Variants in PLCL1 observed in about 807,000 individuals in gnomAD.
PLCL1 encodes the protein inactive phospholipase C-like protein 1.
Under a neutral mutation model 84.4 loss-of-function variants are expected in PLCL1, and 41 were observed. That is an observed-to-expected ratio of 0.49 (90% CI 0.38 to 0.63). The LOEUF is 0.63. Among genes scored for constraint, PLCL1 ranks in the 30% least tolerant of loss-of-function variants. PLCL1 has a pLI of 0.00. For synonymous variants in PLCL1, 490 were observed against 488.3 expected, an observed-to-expected ratio of 1.00 and a Z score of -0.05; for missense variants, 1,206 against 1,367.8, an observed-to-expected ratio of 0.88 and a Z score of 1.87.
intron 1 of PLCL1, among the ~76,000 whole-genome samples, chr2:197,955,226 A>G (rs143304945): frequency 1.2e-3 from 181 of 152,046 alleles, no homozygotes; most frequent in African/African-American, 4.2e-3. Flanking sequence ...AGATAGATCA[A>G]ACCCAGATGG....
chr2:198,137,564 G>GT (rs140969262), intron 5 of PLCL1, among the ~76,000 whole-genome samples: 2,386 of 152,260 alleles, frequency 0.016, 22 homozygotes, highest in African/African-American at 0.019. Context: ...ATCTGTATCT[G>GT]TAAGACTGGA....
At chr2:197,880,205 A>G (rs1437661997) in intron 1 of PLCL1, among the ~76,000 whole-genome samples, 1 of 152,182 alleles carries the variant, frequency 6.6e-6, no homozygotes, top group Non-Finnish European at 1.5e-5. Context: ...GTATGAGCAG[A>G]GCAGTGATCT....
In PLCL1 at chr2:197,865,538, C is replaced by G. The variant is rs1365530397; in HGVS notation, c.240+60199C>G. 2.6e-5 allele frequency among the ~76,000 whole-genome samples: 4 copies of G among 152,182 alleles called. No individual in the cohort carries two copies. The South Asian group carries it at 8.3e-4, about 32-fold the overall frequency. ...AAAACTACCGATATGGCCGTGAGAG[C>G]ATGGAAGCTTAGATCAGTGAATTCT... On this transcript the variant is annotated intron_variant, in intron 1 of 5. Transcript: ENST00000428675.
At chr2:198,051,733 A>G (rs1012631669) in intron 1 of PLCL1, among the ~76,000 whole-genome samples, 10 of 151,940 alleles carry the variant, frequency 6.6e-5, no homozygotes, top group Admixed American at 2.6e-4. Context: ...TCTCACTTTT[A>G]TTTATTTATT....
At chr2:197,931,363 T>C (rs1688927645) in intron 1 of PLCL1, among the ~76,000 whole-genome samples, 1 of 152,186 alleles carries the variant, frequency 6.6e-6, no homozygotes, top group African/African-American at 2.4e-5. Context: ...TTTTTTTCTT[T>C]AAAGGATAAA....
rs552574507 is a variant in PLCL1, at chr2:198,085,682, C to T, written c.2165C>T (p.Ala722Val). ...ATTCTACCTGGGGTGTCTCCTCTAG[C>T]TCTTCATATCAAGATCATCAGTGGT... ...KGILPGVSPL[A>V]LHIKIISGQN... Residue 722 changes from alanine to valine, a missense_variant, in exon 2 of 6, where the codon GCT becomes GTT. Ala to Val is a moderately conservative substitution (Grantham distance 64, BLOSUM62 0). Transcript: ENST00000428675. This position sits in a 1 kb window ranked among gnomAD's most constrained non-coding sequence, Gnocchi z 5.3. 6.2e-7 allele frequency: 1 copy of T among 1,613,996 alleles called. No homozygotes were observed. Among genetic ancestry groups the T allele is most frequent in the African/African-American group, 1.3e-5 (1 of 74,938 alleles).
chr2:197,991,742 A>G (rs940952754), intron 1 of PLCL1, among the ~76,000 whole-genome samples: 1 of 151,958 alleles, frequency 6.6e-6, no homozygotes, highest in Non-Finnish European at 1.5e-5. Flanking sequence ...TTAGTGGGAG[A>G]TGTGCTGAGA....
chr2:198,111,266 T>C (rs1462144031), intron 5 of PLCL1, among the ~76,000 whole-genome samples: 1 of 151,848 alleles, frequency 6.6e-6, no homozygotes, highest in African/African-American at 2.4e-5. Context: ...GGGGACTCCA[T>C]CCCAGCAAAT....
At chr2:197,939,440 A>C (rs1689113726) in intron 1 of PLCL1, among the ~76,000 whole-genome samples, 1 of 152,176 alleles carries the variant, frequency 6.6e-6, no homozygotes, top group Non-Finnish European at 1.5e-5. Context: ...AAACGACAGA[A>C]GTTGATTTTT....
chr2:198,008,025 C>G (rs1161462701), intron 1 of PLCL1, among the ~76,000 whole-genome samples: 2 of 151,982 alleles, frequency 1.3e-5, no homozygotes, highest in East Asian at 3.9e-4. Context: ...TCATTGTTTA[C>G]TTTTACTACT....
At chr2:197,961,170 T>A (rs1559057164) in intron 1 of PLCL1, among the ~76,000 whole-genome samples, 1 of 151,944 alleles carries the variant, frequency 6.6e-6, no homozygotes, top group African/African-American at 2.4e-5. Flanking sequence ...TTCATTTTTG[T>A]GTGCAAAGTT....
chr2:198,070,347 A>C (rs1032677687), intron 1 of PLCL1, among the ~76,000 whole-genome samples: 1 of 152,096 alleles, frequency 6.6e-6, no homozygotes, highest in Non-Finnish European at 1.5e-5. Context: ...CTCTGGGTAC[A>C]TTCATATGCT....
rs1020017143 is a variant in PLCL1 at position 198,042,571 on chromosome 2, A to G, written c.241-41187A>G. ...TCAGTGCAGATTCAGTGAAGGATAGAAGAAGCCAGATAACCTCAAAGTTTC... is the reference window on the plus strand; with the variant it reads ...TCAGTGCAGATTCAGTGAAGGATAGGAGAAGCCAGATAACCTCAAAGTTTC... On this transcript the variant is annotated intron_variant, in intron 1 of 5. Transcript: ENST00000428675. 2.0e-5 allele frequency among the ~76,000 whole-genome samples: 3 copies of G among 152,164 alleles called. No individual in the cohort carries two copies. The South Asian group carries it at 6.2e-4, about 32-fold the overall frequency.
chr2:197,856,630 A>T (rs1179162771), intron 1 of PLCL1, among the ~76,000 whole-genome samples: 1 of 152,180 alleles, frequency 6.6e-6, no homozygotes, highest in African/African-American at 2.4e-5. Context: ...TTCAACCTGG[A>T]CTATTTTACT....
intron 1 of PLCL1, among the ~76,000 whole-genome samples, chr2:197,902,378 A>T (rs1319028106): frequency 6.6e-6 from 1 of 152,192 alleles, no homozygotes; most frequent in East Asian, 1.9e-4. Context: ...CTACTTGGTC[A>T]TCCAAGTAAT....
chr2:197,852,392 A>T (rs1687255848), intron 1 of PLCL1, among the ~76,000 whole-genome samples: 1 of 152,162 alleles, frequency 6.6e-6, no homozygotes, highest in South Asian at 2.1e-4. Flanking sequence ...CATGACTGTT[A>T]TCTGTTTGCT....
intron 4 of PLCL1, among the ~76,000 whole-genome samples, 155 bp downstream of exon 4, chr2:198,101,515 G>A (rs2105912272): frequency 6.6e-6 from 1 of 151,166 alleles, no homozygotes; most frequent in South Asian, 2.1e-4. Flanking sequence ...TTACACTTTA[G>A]TCTTTGTTTA....
At chr2:197,954,727 A>G (rs1346525786) in intron 1 of PLCL1, among the ~76,000 whole-genome samples, 1 of 152,014 alleles carries the variant, frequency 6.6e-6, no homozygotes, top group Non-Finnish European at 1.5e-5. Context: ...AATGACAGGG[A>G]CTGTTTTTGG....
intron 5 of PLCL1, among the ~76,000 whole-genome samples, chr2:198,112,913 G>A (rs1268681207): frequency 2.0e-5 from 3 of 151,826 alleles, no homozygotes; most frequent in South Asian, 4.1e-4. Flanking sequence ...CCAGGAAGAA[G>A]GTGGGTGGCA....
Sources: gnomAD v4.1 joint callset for allele counts (sites outside exome capture counted in the v4.1 genomes callset) on GRCh38, gnomAD v4.1.1 for gene constraint, Gnocchi (gnomAD v3.1) non-coding constraint, MANE v1.5 for transcripts, NCBI Gene and HGNC (gene_info 2026-07-23, HGNC 2026-07-21) for gene names.